ZFAT: variants seen among roughly 807,000 people sequenced by gnomAD.
ZFAT encodes zinc finger and AT-hook domain containing.
In ZFAT, 64 loss-of-function variants were observed where a neutral mutation model predicts 117.7. That is an observed-to-expected ratio of 0.54 (90% CI 0.44 to 0.67). The LOEUF (loss-of-function observed/expected upper bound fraction) is 0.67, where lower values mean the gene tolerates loss of function less well. Among genes scored for constraint, ZFAT ranks in the 30% least tolerant of loss-of-function variants. ZFAT has a pLI of 0.00. For missense variants in ZFAT, 1,433 were observed against 1,584.5 expected (o/e 0.90, Z 1.62); for synonymous variants, 679 against 615.0 (o/e 1.10, Z -1.54).
chr8:134,486,424 A>C (rs7833804), intron 15 of ZFAT, among the ~76,000 whole-genome samples: 1 of 152,008 alleles, frequency 6.6e-6, no homozygotes, highest in Non-Finnish European at 1.5e-5. Context: ...ATTTCGCTTC[A>C]GGCATCCTTC....
At chr8:134,729,498 A>AT in the ZFAT span, among the ~76,000 whole-genome samples, 56 of 151,898 alleles carry the variant, frequency 3.7e-4, no homozygotes, top group South Asian at 6.0e-3. Flanking sequence ...CGCCCAGCTA[A>AT]TTTTTTTTGT....
At chr8:134,765,748 A>T in the ZFAT span, 1 of 151,900 alleles carries the variant, frequency 6.6e-6, no homozygotes, top group Non-Finnish European at 1.5e-5. Context: ...ACCTGAGTAC[A>T]GTGTGAAATC....
rs754938486 is a variant in ZFAT at position 134,602,649 on chromosome 8, C to T, written c.1070G>A (p.Arg357His). ...RVHKKIKQHC[R>H]FCKKKYSDVK... Reference sequence around the variant, plus strand: ...GTCAGAGTACTTCTTCTTGCAGAAGCGGCAGTGCTGCTTGATCTTCTTGTG... The same window carrying T: ...GTCAGAGTACTTCTTCTTGCAGAAGTGGCAGTGCTGCTTGATCTTCTTGTG... The change falls in exon 6 of 16, where the codon CGC (arginine) becomes CAC (histidine). Residue 357 changes from arginine to histidine, a missense_variant. Transcript: ENST00000377838. 31 of 1,614,078 alleles carry T rather than the reference C, an allele frequency of 1.9e-5. No homozygotes were observed. The highest frequency in any genetic ancestry group is 4.5e-5 in the East Asian group (2 of 44,898).
chr8:134,754,636 G>A, the ZFAT span, among the ~76,000 whole-genome samples: 3 of 152,224 alleles, frequency 2.0e-5, no homozygotes, highest in African/African-American at 4.8e-5. Context: ...AAAATAGTAG[G>A]AGGCCTCTGC....
At chr8:134,720,865 T>C in the ZFAT span, among the ~76,000 whole-genome samples, 1 of 152,250 alleles carries the variant, frequency 6.6e-6, no homozygotes, top group Non-Finnish European at 1.5e-5. Flanking sequence ...AATGGTGGTA[T>C]GGGCCCAGTC....
At chr8:134,716,182 CAT>C (rs35463896), upstream of ZFAT, among the ~76,000 whole-genome samples, 99 of 149,514 alleles carry the variant, frequency 6.6e-4, no homozygotes, top group East Asian at 4.1e-3. Context: ...CACACACACA[CAT>C]ATATATATAT....
At chr8:134,639,872 G>T in intron 2 of ZFAT, 2 of 432,324 alleles carry the variant, frequency 4.6e-6, no homozygotes, top group South Asian at 3.4e-5. Flanking sequence ...CTGCCATCCC[G>T]CAGACACAAG....
the ZFAT span, among the ~76,000 whole-genome samples, chr8:134,728,661 G>A: frequency 6.6e-6 from 1 of 152,016 alleles, no homozygotes; most frequent in Non-Finnish European, 1.5e-5. Flanking sequence ...GTTTACTACT[G>A]GTGAAAAATT....
intron 1 of ZFAT, among the ~76,000 whole-genome samples, chr8:134,675,104 A>C (rs969584340): frequency 1.3e-5 from 2 of 152,254 alleles, no homozygotes; most frequent in African/African-American, 2.4e-5. Flanking sequence ...ACGGAGAATG[A>C]GTTTGACAAA....
intron 1 of ZFAT, among the ~76,000 whole-genome samples, chr8:134,677,132 C>CA (rs141680541): frequency 0.28 from 42,808 of 151,778 alleles, 6,315 homozygotes; most frequent in East Asian, 0.38. Context: ...AAAAACCCTT[C>CA]AAAAAAATCA....
chr8:134,501,049 G>T (rs1476115049), intron 15 of ZFAT, among the ~76,000 whole-genome samples: 3 of 152,312 alleles, frequency 2.0e-5, no homozygotes, highest in African/African-American at 2.4e-5. Context: ...TGTCATTACA[G>T]TAAGGGCTAG....
At chr8:134,520,034 A>G (rs1026278199) in intron 13 of ZFAT, among the ~76,000 whole-genome samples, 3 of 152,024 alleles carry the variant, frequency 2.0e-5, no homozygotes, top group Admixed American at 1.3e-4. Flanking sequence ...TATTTTTTTC[A>G]TATGTTGTGG....
In ZFAT at chr8:134,630,343, G is replaced by A. The variant is rs556343353; in HGVS notation, c.448+7118C>T. 3.3e-5 allele frequency among the ~76,000 whole-genome samples: 5 copies of A among 152,330 alleles called. No individual in the cohort carries two copies. The South Asian group carries it at 1.0e-3, about 32-fold the overall frequency. On this transcript the variant is annotated intron_variant, in intron 3 of 15. Transcript: ENST00000377838. The stretch of plus-strand genomic sequence containing the variant: ...TCCACAGACAAATGTGGGATGTTCA[G>A]AAACACATTTTCACCTGCAAATTTT...
chr8:134,628,977 C>A (rs954992489), intron 3 of ZFAT, among the ~76,000 whole-genome samples: 5 of 152,186 alleles, frequency 3.3e-5, no homozygotes, highest in Non-Finnish European at 2.9e-5. Context: ...CCCAAAATAT[C>A]TGCAAACCAC....
intron 9 of ZFAT, 88 bp downstream of exon 9, chr8:134,588,158 G>A: frequency 7.1e-7 from 1 of 1,418,188 alleles, no homozygotes; most frequent in Admixed American, 2.6e-5. Context: ...GGGATGTGAA[G>A]ATACGGCTTC....
intron 15 of ZFAT, among the ~76,000 whole-genome samples, chr8:134,488,119 T>C (rs748257831): frequency 6.6e-6 from 1 of 152,176 alleles, no homozygotes; most frequent in Non-Finnish European, 1.5e-5. Context: ...GGGGGACGTC[T>C]AGGGAAGAGT....
At chr8:134,759,700 G>A in the ZFAT span, among the ~76,000 whole-genome samples, 82 of 152,128 alleles carry the variant, frequency 5.4e-4, no homozygotes, top group African/African-American at 2.0e-3. Flanking sequence ...TCCCAGCTGG[G>A]CGCGATGGCT....
At chr8:134,787,794 A>G in the ZFAT span, among the ~76,000 whole-genome samples, 1 of 138,102 alleles carries the variant, frequency 7.2e-6, no homozygotes, top group Non-Finnish European at 1.6e-5. Context: ...ATATCCATAT[A>G]TTTAGAATTA....
intron 10 of ZFAT, among the ~76,000 whole-genome samples, chr8:134,579,384 T>C (rs908904238): frequency 6.6e-6 from 1 of 152,150 alleles, no homozygotes; most frequent in Non-Finnish European, 1.5e-5. Flanking sequence ...AGGCACATCT[T>C]ATATGGTGGC....
Sources: gnomAD v4.1 joint callset for allele counts (sites outside exome capture counted in the v4.1 genomes callset) on GRCh38, gnomAD v4.1.1 for gene constraint, MANE v1.5 for transcripts, NCBI Gene and HGNC (gene_info 2026-07-23, HGNC 2026-07-21) for gene names.